ZNF385D: variants seen among roughly 807,000 people sequenced by gnomAD.
ZNF385D encodes zinc finger protein 659.
Under a neutral mutation model 35.8 loss-of-function variants are expected in ZNF385D, and 15 were observed. That is an observed-to-expected ratio of 0.42 (90% confidence interval 0.28 to 0.64). The LOEUF (loss-of-function observed/expected upper bound fraction) is 0.64. Among genes scored for constraint, ZNF385D ranks in the 30% least tolerant of loss-of-function variants. The pLI, the probability that ZNF385D is intolerant of heterozygous loss-of-function variation, is 0.23. For synonymous variants in ZNF385D, 212 were observed against 186.8 expected (o/e 1.13, Z -1.10); for missense variants, 474 against 494.6 (o/e 0.96, Z 0.39).
At chr3:21,813,442 G>A (rs559772682) in intron 3 of ZNF385D, among the ~76,000 whole-genome samples, 5 of 152,172 alleles carry the variant, frequency 3.3e-5, no homozygotes, top group Admixed American at 2.0e-4. Flanking sequence ...GCAAAGAAGC[G>A]AAAAACCTTC....
chr3:21,702,372 C>T (rs1388106211), intron 1 of ZNF385D, among the ~76,000 whole-genome samples: 1 of 152,196 alleles, frequency 6.6e-6, no homozygotes, highest in Admixed American at 6.5e-5. Context: ...AGACAGAGGG[C>T]ACCAAGTCCC....
chr3:21,568,238 G>C (rs1362744269), intron 2 of ZNF385D, among the ~76,000 whole-genome samples: 3 of 152,022 alleles, frequency 2.0e-5, no homozygotes, highest in African/African-American at 7.2e-5. Flanking sequence ...GAGGAATTAT[G>C]AAAGGGCAAA....
intron 3 of ZNF385D, among the ~76,000 whole-genome samples, chr3:21,847,575 G>C (rs1194659075): frequency 1.3e-5 from 2 of 152,024 alleles, no homozygotes; most frequent in African/African-American, 4.8e-5. Flanking sequence ...CATGGGTGTA[G>C]TTGATTGAAT....
intron 4 of ZNF385D, among the ~76,000 whole-genome samples, chr3:21,477,358 T>C (rs953724237): frequency 6.6e-6 from 1 of 152,098 alleles, no homozygotes; most frequent in South Asian, 2.1e-4. Context: ...AGCCAGGAGA[T>C]GGAAGCTGCC....
chr3:21,769,623 G>A (rs1402645341), intron 3 of ZNF385D, among the ~76,000 whole-genome samples: 1 of 110,010 alleles, frequency 9.1e-6, no homozygotes, highest in African/African-American at 3.9e-5. Flanking sequence ...CATGCTCATG[G>A]ATAGGAAGAA....
intron 2 of ZNF385D, among the ~76,000 whole-genome samples, chr3:22,318,247 C>T (rs1445325108): frequency 6.6e-6 from 1 of 151,620 alleles, no homozygotes; most frequent in Non-Finnish European, 1.5e-5. Flanking sequence ...TTTTGAGTGT[C>T]CAAGTGGAAA....
At chr3:21,849,448 T>C (rs1405759568) in intron 3 of ZNF385D, among the ~76,000 whole-genome samples, 1 of 152,040 alleles carries the variant, frequency 6.6e-6, no homozygotes, top group African/African-American at 2.4e-5. Flanking sequence ...GTCCTTTCTC[T>C]AACATCCATT....
At chr3:21,637,972 A>T (rs1400946150) in intron 2 of ZNF385D, among the ~76,000 whole-genome samples, 1 of 152,068 alleles carries the variant, frequency 6.6e-6, no homozygotes, top group Non-Finnish European at 1.5e-5. Flanking sequence ...TCCTATCTTA[A>T]TCTGTTATTG....
At position 21,425,669 on chromosome 3, in the gene ZNF385D, A is replaced by T. The variant is rs1352063338; in HGVS notation, c.675T>A (p.Gly225=). ...SASQLEAHNS[G]TKHKTMLEAR... is the part of the protein sequence containing the mutation. ...CTTCTAACATGGTTTTGTGCTTAGTACCTGTCAGGAATATTGAAATGAAGG... is the reference window on the plus strand; with the variant it reads ...CTTCTAACATGGTTTTGTGCTTAGTTCCTGTCAGGAATATTGAAATGAAGG... The change falls in exon 6 of 8, where the codon GGT becomes GGA. Residue 225 remains glycine (G), a splice_region_variant and synonymous_variant. Coordinates refer to ENST00000281523, the MANE Select transcript of ZNF385D (RefSeq NM_024697.3). The T allele has an allele frequency of 6.5e-7, 1 of 1,541,456 alleles. No individual in the cohort carries two copies. Among genetic ancestry groups the T allele is most frequent in the Non-Finnish European group, 8.8e-7 (1 of 1,137,152 alleles).
intron 3 of ZNF385D, among the ~76,000 whole-genome samples, chr3:21,529,581 A>G (rs2061873178): frequency 6.6e-6 from 1 of 152,078 alleles, no homozygotes; most frequent in South Asian, 2.1e-4. Context: ...AATTTTATCT[A>G]TGGATCTTAA....
At chr3:22,218,325 A>G (rs1005362240) in intron 2 of ZNF385D, among the ~76,000 whole-genome samples, 3 of 152,058 alleles carry the variant, frequency 2.0e-5, no homozygotes, top group African/African-American at 7.2e-5. Context: ...GTATTTTTAT[A>G]AACTATATCT....
intron 1 of ZNF385D, among the ~76,000 whole-genome samples, chr3:21,691,640 A>G (rs142466477): frequency 5.6e-4 from 85 of 152,170 alleles, no homozygotes; most frequent in Middle Eastern, 6.8e-3. Flanking sequence ...CATAATTCTG[A>G]TCATCATTGC....
chr3:22,089,209 C>T (rs1701196462), intron 3 of ZNF385D, among the ~76,000 whole-genome samples: 1 of 152,058 alleles, frequency 6.6e-6, no homozygotes, highest in African/African-American at 2.4e-5. Flanking sequence ...TTACCATTAG[C>T]AAAAATACTC....
chr3:22,102,699 A>T (rs1439329973), intron 3 of ZNF385D, among the ~76,000 whole-genome samples: 1 of 152,086 alleles, frequency 6.6e-6, no homozygotes, highest in African/African-American at 2.4e-5. Context: ...CTATATTTAA[A>T]CTTAGAAGGG....
At chr3:21,692,830 G>C (rs1341313113) in intron 1 of ZNF385D, among the ~76,000 whole-genome samples, 3 of 152,120 alleles carry the variant, frequency 2.0e-5, no homozygotes, top group Non-Finnish European at 4.4e-5. Flanking sequence ...ATGTGTCTCA[G>C]GCAGAATAAC....
chr3:21,537,941 T>C (rs2062075494), intron 3 of ZNF385D, among the ~76,000 whole-genome samples: 1 of 152,042 alleles, frequency 6.6e-6, no homozygotes, highest in African/African-American at 2.4e-5. Context: ...ATAATACAGA[T>C]GAGAGACAAT....
chr3:22,201,503 C>A (rs1025535434), intron 2 of ZNF385D, among the ~76,000 whole-genome samples: 1 of 151,934 alleles, frequency 6.6e-6, no homozygotes, highest in East Asian at 1.9e-4. Context: ...TAGAGAAATA[C>A]ATTTTCATAG....
intron 3 of ZNF385D, among the ~76,000 whole-genome samples, chr3:22,045,415 TGAA>T (rs1698933147): frequency 6.6e-6 from 1 of 152,132 alleles, no homozygotes; most frequent in Admixed American, 6.6e-5. Flanking sequence ...TATCCAGAAC[TGAA>T]GAAGAGAGGC....
intron 2 of ZNF385D, among the ~76,000 whole-genome samples, chr3:21,606,187 A>C (rs73033402): frequency 0.24 from 36,154 of 152,002 alleles, 4,999 homozygotes; most frequent in Non-Finnish European, 0.29. Context: ...GATGATACTC[A>C]AATCATGCAG....
Sources: allele counts gnomAD v4.1 joint callset (sites outside exome capture counted in the v4.1 genomes callset), GRCh38; gene constraint gnomAD v4.1.1; transcripts MANE v1.5; gene names NCBI Gene and HGNC (gene_info 2026-07-23, HGNC 2026-07-21).